Variants in PDE2A observed in about 807,000 individuals in gnomAD.
PDE2A encodes the protein phosphodiesterase 2A.
A neutral mutation model predicts 133.6 loss-of-function variants in PDE2A; 53 were observed. That is an observed-to-expected ratio of 0.40 (90% CI 0.32 to 0.50). The LOEUF is 0.50. PDE2A is among the 20% of genes least tolerant of loss of function. PDE2A has a pLI of 0.73. For synonymous variants in PDE2A, 491 were observed against 490.2 expected, an observed-to-expected ratio of 1.00 and a Z score of -0.02; for missense variants, 796 against 1,232.4, an observed-to-expected ratio of 0.65 and a Z score of 5.30.
chr11:72,612,320 C>G (rs1444532363), intron 2 of PDE2A, among the ~76,000 whole-genome samples: 2 of 142,282 alleles, frequency 1.4e-5, no homozygotes, highest in African/African-American at 5.3e-5. Context: ...CACACACACA[C>G]AGAACTCAGG....
intron 2 of PDE2A, among the ~76,000 whole-genome samples, chr11:72,624,917 C>T (rs143775270): frequency 7.2e-5 from 11 of 152,352 alleles, no homozygotes; most frequent in Non-Finnish European, 1.2e-4. Context: ...ATGTGCAGAA[C>T]GCCCCCTGTC....
chr11:72,633,117 G>C (rs1387910559), intron 2 of PDE2A, among the ~76,000 whole-genome samples: 1 of 152,194 alleles, frequency 6.6e-6, no homozygotes, highest in African/African-American at 2.4e-5. Flanking sequence ...CCGCCAGTTA[G>C]AGAACTGCTG....
chr11:72,612,275 CCACACACACACACACACACACA>C (rs55775130), intron 2 of PDE2A, among the ~76,000 whole-genome samples: 4 of 124,184 alleles, frequency 3.2e-5, no homozygotes, highest in Admixed American at 7.7e-5. Flanking sequence ...CACATCACAT[CCACACACACACACACACACACA>C]CACACACACA....
chr11:72,588,982 T>C (rs1178679415), intron 12 of PDE2A, 68 bp from the exon 13 acceptor site: 5 of 1,532,158 alleles, frequency 3.3e-6, no homozygotes, highest in East Asian at 2.3e-5. Context: ...CAGCCCTCCA[T>C]CACATTTTGC....
At chr11:72,651,433 A>AG (rs1044255008) in intron 1 of PDE2A, among the ~76,000 whole-genome samples, 1 of 152,098 alleles carries the variant, frequency 6.6e-6, no homozygotes, top group African/African-American at 2.4e-5. Flanking sequence ...CCCACTCCCA[A>AG]GGGGTGTCAA....
chr11:72,580,180 G>A lies in PDE2A; in HGVS notation c.2181+397C>T, dbSNP rs572044699. ...TGAGGCAAGGTGACCTTGGAAATGT[G>A]TCTCCTACTCTGTGCCAAGCCCTGT... On this transcript the variant is annotated intron_variant, in intron 25 of 30. Transcript: ENST00000334456. Among the ~76,000 whole-genome samples the A allele has an allele frequency of 6.6e-5, 10 of 152,258 alleles. No individual in the cohort carries two copies. In the South Asian group the frequency reaches 1.9e-3, roughly 28 times the overall value.
At chr11:72,663,033 C>T (rs75946975) in intron 1 of PDE2A, among the ~76,000 whole-genome samples, 2 of 152,296 alleles carry the variant, frequency 1.3e-5, no homozygotes, top group African/African-American at 4.8e-5. Context: ...TTCTCCTCCA[C>T]CTGGAAAACT....
chr11:72,640,623 C>T (rs1015641808), intron 2 of PDE2A, among the ~76,000 whole-genome samples: 12 of 152,168 alleles, frequency 7.9e-5, no homozygotes, highest in African/African-American at 2.9e-4. Context: ...GCCACCTAGG[C>T]TGCAAACACA....
In PDE2A at chr11:72,591,296, C is replaced by T. The variant is rs1417265282; in HGVS notation, c.549+1G>A. The T allele has an allele frequency of 6.2e-7, 1 of 1,613,072 alleles. No homozygotes were observed. Among genetic ancestry groups the T allele is most frequent in the Non-Finnish European group, 8.5e-7 (1 of 1,179,048 alleles). On this transcript the variant is annotated splice_donor_variant, in intron 7 of 30. Coordinates refer to ENST00000334456, the MANE Select transcript of PDE2A (RefSeq NM_002599.5). LOFTEE classifies it high-confidence loss of function. ...TTGCACATGGCCCCACTCCCACTCA[C>T]ATGCTTCTCCACCGCCTGCAGGCTC...
At chr11:72,631,157 T>G (rs1014693186) in intron 2 of PDE2A, 1 of 1,536,660 alleles carries the variant, frequency 6.5e-7, no homozygotes, top group Non-Finnish European at 8.8e-7. Context: ...GACAAGAAGG[T>G]CAGGGGCTGA....
chr11:72,622,781 G>T (rs1313385332), intron 2 of PDE2A, among the ~76,000 whole-genome samples: 1 of 152,154 alleles, frequency 6.6e-6, no homozygotes, highest in Admixed American at 6.5e-5. Flanking sequence ...GCAAAACAGT[G>T]TGAATGTACC....
chr11:72,662,543 G>C (rs1392158029), intron 1 of PDE2A, among the ~76,000 whole-genome samples: 3 of 152,196 alleles, frequency 2.0e-5, no homozygotes, highest in African/African-American at 7.2e-5. Flanking sequence ...CATTGTCTGA[G>C]GGGGTGGCTT....
intron 4 of PDE2A, among the ~76,000 whole-genome samples, chr11:72,600,730 C>T (rs1317700622): frequency 6.6e-6 from 1 of 152,114 alleles, no homozygotes; most frequent in Non-Finnish European, 1.5e-5. Context: ...CTTCCAGGCT[C>T]ATGCTGGGGG....
At chr11:72,663,286 G>A (rs1452438148) in intron 1 of PDE2A, among the ~76,000 whole-genome samples, 1 of 152,132 alleles carries the variant, frequency 6.6e-6, no homozygotes, top group African/African-American at 2.4e-5. Context: ...GGGGCTCCAG[G>A]GCACACTGCG....
At chr11:72,598,420 G>T in intron 4 of PDE2A, 1 of 983,894 alleles carries the variant, frequency 1.0e-6, no homozygotes, top group Non-Finnish European at 1.4e-6. Context: ...GGGGAGGTTG[G>T]TATGGGAAGA....
chr11:72,646,141 C>T (rs547963856), intron 1 of PDE2A, among the ~76,000 whole-genome samples: 1 of 152,314 alleles, frequency 6.6e-6, no homozygotes, highest in South Asian at 2.1e-4. Flanking sequence ...CTCCCAGCTC[C>T]AGCTTAGGAA....
At chr11:72,579,041 G>T in intron 27 of PDE2A, 32 bp from the exon 28 acceptor site, 2 of 1,483,800 alleles carry the variant, frequency 1.3e-6, no homozygotes, top group South Asian at 1.1e-5. Flanking sequence ...CAAGGAGCGG[G>T]GCCCAGCCTC....
At position 72,597,489 on chromosome 11, in the gene PDE2A, TG is replaced by T; in HGVS notation, c.433+20del. On this transcript the variant is annotated intron_variant, in intron 5 of 30. Coordinates refer to ENST00000334456, the MANE Select transcript of PDE2A (RefSeq NM_002599.5). The surrounding 1 kb of genome is among the most constrained non-coding windows in gnomAD (Gnocchi z 4.6). Reference sequence around the variant, plus strand: ...CCCTCCCTGCCCCTGCCCCTGCCCCTGCCCAGCCCCTAGCCCTTACCTTGGG... The same window carrying T: ...CCCTCCCTGCCCCTGCCCCTGCCCCTCCCAGCCCCTAGCCCTTACCTTGGG... 8.7e-7 allele frequency: 1 copy of T among 1,143,706 alleles called. No homozygotes were observed. The highest frequency in any genetic ancestry group is 1.2e-6 in the Non-Finnish European group (1 of 800,024). The allele number at this position is 1,143,706 out of a possible 1,614,324, so 70.8% of individuals were successfully genotyped here.
chr11:72,591,162 T>C, intron 7 of PDE2A, 135 bp downstream of exon 7: 1 of 718,916 alleles, frequency 1.4e-6, no homozygotes, highest in Non-Finnish European at 2.5e-6. Flanking sequence ...AGTGACTTGC[T>C]CAAGGTCACA....
Sources: gnomAD v4.1 joint callset for allele counts (sites outside exome capture counted in the v4.1 genomes callset) on GRCh38, gnomAD v4.1.1 for gene constraint, Gnocchi (gnomAD v3.1) non-coding constraint, MANE v1.5 for transcripts, NCBI Gene and HGNC (gene_info 2026-07-23, HGNC 2026-07-21) for gene names.